The following ZAP70 variants were observed in gnomAD, a reference collection of about 807,000 sequenced individuals.
ZAP70 encodes tyrosine-protein kinase ZAP-70.
Under a neutral mutation model 65.8 loss-of-function variants are expected in ZAP70, and 27 were observed. The ratio of observed to expected loss-of-function variants is 0.41; its 90% confidence interval spans 0.30 to 0.57. ZAP70 has a LOEUF of 0.57. Ranked by LOEUF, ZAP70 falls within the 20% of genes least tolerant of loss-of-function variation. The pLI is 0.28. For missense variants in ZAP70, 696 were observed against 870.5 expected, an observed-to-expected ratio of 0.80 and a Z score of 2.52; for synonymous variants, 363 against 360.8, an observed-to-expected ratio of 1.01 and a Z score of -0.07.
chr2:97,735,243 CG>C lies in ZAP70; in HGVS notation c.1083-4del. 6.2e-7 allele frequency: 1 copy of C among 1,613,664 alleles called. No individual in the cohort carries two copies. The highest frequency in any genetic ancestry group is 1.1e-5 in the South Asian group (1 of 91,076). On this transcript the variant is annotated splice_region_variant and splice_polypyrimidine_tract_variant and intron_variant, in intron 9 of 13. Transcript: ENST00000264972. ...GCCCACGTGCCTCCCGTGGCCGGGT[CG>C]GGCAGGAAGCAGATCGACGTGGCCA... is the stretch of plus-strand genomic sequence containing the variant.
chr2:97,738,614 C>A (rs537211487), intron 13 of ZAP70: 39 of 212,438 alleles, frequency 1.8e-4, no homozygotes, highest in African/African-American at 8.8e-4. Flanking sequence ...AGTATCCCAA[C>A]TTCCCATCAG....
intron 2 of ZAP70, among the ~76,000 whole-genome samples, chr2:97,722,150 G>T (rs964054766): frequency 6.6e-5 from 10 of 152,010 alleles, no homozygotes; most frequent in African/African-American, 2.4e-4. Flanking sequence ...GCCTGATCTC[G>T]GCTCAATGGA....
chr2:97,718,966 G>A (rs1467565751), intron 2 of ZAP70, among the ~76,000 whole-genome samples: 2 of 152,198 alleles, frequency 1.3e-5, no homozygotes, highest in Admixed American at 6.5e-5. Flanking sequence ...GGAGGGTGCT[G>A]TGTGGATGAA....
rs781033785 is a variant in ZAP70, at chr2:97,724,353, C to G, written c.317C>G (p.Ser106Trp). 1.9e-6 allele frequency: 3 copies of G among 1,551,568 alleles called. No homozygotes were observed. Among genetic ancestry groups the G allele is most frequent in the South Asian group, 2.4e-5 (2 of 84,508 alleles). Residue 106 changes from serine (S) to tryptophan (W), a missense_variant, in exon 3 of 14, where the codon TCG (serine) becomes TGG (tryptophan). Ser to Trp is a radical substitution (Grantham distance 177). Transcript: ENST00000264972. Reference protein sequence around the residue: ...CNLRKPCNRPSGLEPQPGVFD... With the variant: ...CNLRKPCNRPWGLEPQPGVFD... Reference sequence around the variant, plus strand: ...CTGCGCAAGCCGTGCAACCGGCCGTCGGGCCTCGAGCCGCAGCCGGGGGTC... The same window carrying G: ...CTGCGCAAGCCGTGCAACCGGCCGTGGGGCCTCGAGCCGCAGCCGGGGGTC...
chr2:97,719,753 T>C (rs781386717), intron 2 of ZAP70, among the ~76,000 whole-genome samples: 1 of 152,216 alleles, frequency 6.6e-6, no homozygotes, highest in Non-Finnish European at 1.5e-5. Flanking sequence ...TATATCATTT[T>C]AGTGAAAAAT....
At position 97,715,437 on chromosome 2, in the gene ZAP70, G is replaced by A. The variant is rs78817036; in HGVS notation, c.-22+1443G>A. The stretch of plus-strand genomic sequence containing the variant: ...CGCCTTTTCCCATCTCCCTTTTACA[G>A]TCACAGAGCCTGAGGCCCAGAGAGG... On this transcript the variant is annotated intron_variant, in intron 2 of 13. Coordinates refer to ENST00000264972, the MANE Select transcript of ZAP70 (RefSeq NM_001079.4). The surrounding 1 kb of genome is among the most constrained non-coding windows in gnomAD (Gnocchi z 4.1). 6.0e-3 allele frequency among the ~76,000 whole-genome samples: 915 copies of A among 152,252 alleles called. 16 individuals are homozygous for A. Among genetic ancestry groups the A allele is most frequent in the African/African-American group, 0.021 (864 of 41,544 alleles).
chr2:97,723,425 G>T (rs1429394562), intron 2 of ZAP70, among the ~76,000 whole-genome samples: 1 of 152,190 alleles, frequency 6.6e-6, no homozygotes, highest in Non-Finnish European at 1.5e-5. Flanking sequence ...GCGCTGTCCC[G>T]CGCGCTTTTT....
At chr2:97,719,075 G>A (rs1040087830) in intron 2 of ZAP70, among the ~76,000 whole-genome samples, 42 of 152,180 alleles carry the variant, frequency 2.8e-4, no homozygotes, top group African/African-American at 9.4e-4. Flanking sequence ...CTTGAGCAAG[G>A]GAGGCCTTGG....
intron 4 of ZAP70, among the ~76,000 whole-genome samples, chr2:97,730,353 G>T (rs1357342628): frequency 1.3e-5 from 2 of 152,186 alleles, no homozygotes; most frequent in African/African-American, 4.8e-5. Context: ...GCTTACTCAT[G>T]TGGCCACAGC....
rs552103813 is a variant in ZAP70, at chr2:97,734,806, T to G, written c.1082+94T>G. On this transcript the variant is annotated intron_variant, in intron 9 of 13. Transcript: ENST00000264972. ...TGGGACGGGAGCCGGGATGTCTGTC[T>G]CACAGCAGTTTGCCTGGGAAACAGA... The G allele has an allele frequency of 3.5e-5, 53 of 1,516,566 alleles. No homozygotes were observed. The African/African-American group carries it at 7.2e-4, about 21-fold the overall frequency. The allele number at this position is 1,516,566 out of a possible 1,614,324, so 93.9% of individuals were successfully genotyped here.
At chr2:97,718,885 C>T (rs1274367820) in intron 2 of ZAP70, among the ~76,000 whole-genome samples, 2 of 152,196 alleles carry the variant, frequency 1.3e-5, no homozygotes, top group African/African-American at 4.8e-5. Flanking sequence ...ATGGGAGTGG[C>T]TCCATGAGTC....
chr2:97,749,384 T>C, the ZAP70 span, among the ~76,000 whole-genome samples: 2 of 152,032 alleles, frequency 1.3e-5, no homozygotes, highest in East Asian at 3.9e-4. Context: ...AGGAGGGAGA[T>C]GGGAGTGCTT....
intron 10 of ZAP70, among the ~76,000 whole-genome samples, chr2:97,735,787 G>A (rs373604320): frequency 6.6e-6 from 1 of 152,210 alleles, no homozygotes; most frequent in Non-Finnish European, 1.5e-5. Flanking sequence ...GCCAAGGCGG[G>A]TGGATCATGA....
intron 4 of ZAP70, among the ~76,000 whole-genome samples, chr2:97,730,565 T>C (rs539377870): frequency 6.6e-6 from 1 of 152,318 alleles, no homozygotes; most frequent in South Asian, 2.1e-4. Flanking sequence ...CAACCATTTT[T>C]CAAGCCTCTG....
At chr2:97,717,902 C>G (rs1009368918) in intron 2 of ZAP70, among the ~76,000 whole-genome samples, 1 of 152,158 alleles carries the variant, frequency 6.6e-6, no homozygotes. Flanking sequence ...CCAAGGCTTC[C>G]TCCCATCATC....
chr2:97,719,327 G>A (rs1383721617), intron 2 of ZAP70, among the ~76,000 whole-genome samples: 7 of 143,860 alleles, frequency 4.9e-5, no homozygotes, highest in Non-Finnish European at 9.2e-5. Flanking sequence ...CTGACAGGAT[G>A]ACCCAAGTAA....
intron 4 of ZAP70, among the ~76,000 whole-genome samples, chr2:97,726,205 G>A (rs1358834451): frequency 1.3e-5 from 2 of 152,204 alleles, no homozygotes; most frequent in African/African-American, 4.8e-5. Context: ...AGGCCATGTA[G>A]CTATTTGTGA....
At chr2:97,742,064 A>G (rs929164688), downstream of ZAP70, among the ~76,000 whole-genome samples, 1 of 152,206 alleles carries the variant, frequency 6.6e-6, no homozygotes, top group African/African-American at 2.4e-5. Context: ...GTGGGAGAGA[A>G]TGTCCTTCTG....
chr2:97,734,223 G>T (rs562738387), intron 8 of ZAP70: 9 of 636,938 alleles, frequency 1.4e-5, no homozygotes, highest in Non-Finnish European at 2.2e-5. Flanking sequence ...AGGCGTACAC[G>T]TACGAATGCA....
Sources: allele counts gnomAD v4.1 joint callset (sites outside exome capture counted in the v4.1 genomes callset), GRCh38; gene constraint gnomAD v4.1.1; non-coding constraint Gnocchi (gnomAD v3.1); transcripts MANE v1.5; gene names NCBI Gene and HGNC (gene_info 2026-07-23, HGNC 2026-07-21).